The following RNF220 variants were observed in gnomAD, a reference collection of about 807,000 sequenced individuals.
RNF220 encodes the protein ring finger protein 220.
In RNF220, 7 loss-of-function variants were observed where a neutral mutation model predicts 67.1. That is an observed-to-expected ratio of 0.10 (90% CI 0.06 to 0.20). The LOEUF is 0.20. RNF220 is among the 10% of genes least tolerant of loss of function. The probability of loss-of-function intolerance (pLI) is 1.00; values close to 1 mark genes in which losing one functional copy is unlikely to be tolerated. For synonymous variants in RNF220, 270 were observed against 283.2 expected, an observed-to-expected ratio of 0.95 and a Z score of 0.47; for missense variants, 565 against 740.3, an observed-to-expected ratio of 0.76 and a Z score of 2.75.
chr1:44,469,812 A>G (rs1368159809), intron 2 of RNF220, among the ~76,000 whole-genome samples: 1 of 152,244 alleles, frequency 6.6e-6, no homozygotes, highest in East Asian at 1.9e-4. Flanking sequence ...GGCAGAGGCA[A>G]TCGCAGGTGC....
At chr1:44,435,478 G>A (rs1038555498) in intron 2 of RNF220, among the ~76,000 whole-genome samples, 3 of 152,242 alleles carry the variant, frequency 2.0e-5, no homozygotes, top group African/African-American at 7.2e-5. Flanking sequence ...CCTTGAGACT[G>A]TGGTCAGTGA....
rs912103504 is a variant in RNF220, at chr1:44,636,317, C to T, written c.1126+155C>T. 7.5e-5 allele frequency: 69 copies of T among 915,206 alleles called. No individual in the cohort carries two copies. In the East Asian group the frequency reaches 1.7e-3, roughly 23 times the overall value. The allele number at this position is 915,206 out of a possible 1,614,324, so 56.7% of individuals were successfully genotyped here. On this transcript the variant is annotated intron_variant, in intron 8 of 14. Coordinates refer to ENST00000361799, the MANE Select transcript of RNF220 (RefSeq NM_018150.4). ...CTGGTGGGGCTCCTTTGTGACCGTG[C>T]TGCCTGCCTGTGATGTGCATATTAA... is the stretch of plus-strand genomic sequence containing the variant.
Position 44,645,612 on chromosome 1 carries a change from C to A in RNF220, c.1445+124C>A. On this transcript the variant is annotated intron_variant, in intron 12 of 14. Coordinates refer to ENST00000361799, the MANE Select transcript of RNF220 (RefSeq NM_018150.4). The surrounding 1 kb of genome is among the most constrained non-coding windows in gnomAD (Gnocchi z 5.0). Reference sequence around the variant, plus strand: ...CCAAGTGCAGCTCAGTGCTGCTGCCCTGGGCACACGGCCGGCAGTGGAGCC... The same window carrying A: ...CCAAGTGCAGCTCAGTGCTGCTGCCATGGGCACACGGCCGGCAGTGGAGCC... The A allele has an allele frequency of 1.1e-6, 1 of 933,762 alleles. No individual in the cohort carries two copies. The highest frequency in any genetic ancestry group is 1.5e-5 in the South Asian group (1 of 66,250). The allele number at this position is 933,762 out of a possible 1,614,324, so 57.8% of individuals were successfully genotyped here. A position where few individuals can be genotyped will look rare whatever the true frequency, so the allele number is the denominator to read the frequency against.
At chr1:44,631,878 C>CA (rs1644137759) in intron 5 of RNF220, 1 of 984,504 alleles carries the variant, frequency 1.0e-6, no homozygotes, top group South Asian at 4.7e-5. Flanking sequence ...TACCCGAGTA[C>CA]AAACGGCAGC....
intron 2 of RNF220, among the ~76,000 whole-genome samples, chr1:44,501,684 T>C (rs1657895911): frequency 1.3e-5 from 2 of 152,188 alleles, no homozygotes; most frequent in South Asian, 4.1e-4. Flanking sequence ...CTCCCCTCCG[T>C]TTCTACTCCA....
intron 2 of RNF220, among the ~76,000 whole-genome samples, chr1:44,613,331 A>T (rs1233146095): frequency 7.1e-6 from 1 of 141,316 alleles, no homozygotes; most frequent in Non-Finnish European, 1.5e-5. Flanking sequence ...CACACCTGTA[A>T]GCAGAGGCCA....
rs566600581 is a variant in RNF220 at position 44,555,765 on chromosome 1, G to A, written c.626-58400G>A. 9.3e-5 allele frequency among the ~76,000 whole-genome samples: 14 copies of A among 150,448 alleles called. 2 individuals carry two copies. Among genetic ancestry groups the A allele is most frequent in the African/African-American group, 2.5e-4 (10 of 40,212 alleles). On this transcript the variant is annotated intron_variant, in intron 2 of 14. Transcript: ENST00000361799. ...GCTGAGATTACAGGCGTGAGCCACCGCGCCTGGCCTGAATGTACCAATTTA... is the reference window on the plus strand; with the variant it reads ...GCTGAGATTACAGGCGTGAGCCACCACGCCTGGCCTGAATGTACCAATTTA...
intron 2 of RNF220, among the ~76,000 whole-genome samples, chr1:44,517,539 G>A (rs866524692): frequency 6.6e-6 from 1 of 152,058 alleles, no homozygotes; most frequent in African/African-American, 2.4e-5. Flanking sequence ...TTGTCTTCAA[G>A]TGTGTTTGAC....
Position 44,650,675 on chromosome 1 carries a change from G to C in RNF220, c.1630-29G>C, listed in dbSNP as rs1359084834. ...ATGCGCACACATGGCTCATTGTGTA[G>C]ACCAGAGCCCTCCCTGTTCTCCCTG... On this transcript the variant is annotated intron_variant, in intron 14 of 14. Transcript: ENST00000361799. This position sits in a 1 kb window ranked among gnomAD's most constrained non-coding sequence, Gnocchi z 4.3. 1.9e-6 allele frequency: 3 copies of C among 1,611,348 alleles called. No homozygotes were observed. The highest frequency in any genetic ancestry group is 1.7e-5 in the Admixed American group (1 of 59,996).
chr1:44,603,868 G>T (rs1373235854), intron 2 of RNF220, among the ~76,000 whole-genome samples: 1 of 152,254 alleles, frequency 6.6e-6, no homozygotes, highest in Non-Finnish European at 1.5e-5. Flanking sequence ...AGCCCTGCAG[G>T]CACTTGTAAT....
chr1:44,450,234 T>C (rs1652532667), intron 2 of RNF220, among the ~76,000 whole-genome samples: 1 of 152,038 alleles, frequency 6.6e-6, no homozygotes, highest in Non-Finnish European at 1.5e-5. Flanking sequence ...CTGAAAGTGA[T>C]TTCCCGTCCT....
At chr1:44,562,502 G>T (rs116242357) in intron 2 of RNF220, among the ~76,000 whole-genome samples, 9 of 152,162 alleles carry the variant, frequency 5.9e-5, no homozygotes, top group Admixed American at 2.6e-4. Flanking sequence ...CCATAGGTAC[G>T]TCTCCCTGTC....
chr1:44,645,170 T>C lies in RNF220; in HGVS notation c.1311-51T>C, dbSNP rs747211421. 1 of 1,613,684 alleles carries C rather than the reference T, an allele frequency of 6.2e-7. No homozygotes were observed. The highest frequency in any genetic ancestry group is 2.2e-5 in the East Asian group (1 of 44,860). ...AACGCAGTACTGACCCTCAGGGCTG[T>C]CCTGCCCGCCTTCAGGCCTCACTTT... On this transcript the variant is annotated intron_variant, in intron 10 of 14. Transcript: ENST00000361799. The surrounding 1 kb of genome is among the most constrained non-coding windows in gnomAD (Gnocchi z 5.0).
chr1:44,447,939 G>C (rs1652268887), intron 2 of RNF220, among the ~76,000 whole-genome samples: 1 of 152,202 alleles, frequency 6.6e-6, no homozygotes, highest in South Asian at 2.1e-4. Flanking sequence ...GCGTCGCTTA[G>C]CTACGGGGAG....
intron 2 of RNF220, among the ~76,000 whole-genome samples, chr1:44,438,140 A>C (rs1572501989): frequency 6.6e-6 from 1 of 152,176 alleles, no homozygotes; most frequent in African/African-American, 2.4e-5. Context: ...TTTGTTTTTG[A>C]GACAGCATTT....
At chr1:44,597,478 AC>A (rs1666593423) in intron 2 of RNF220, among the ~76,000 whole-genome samples, 1 of 37,022 alleles carries the variant, frequency 2.7e-5, no homozygotes, top group African/African-American at 1.7e-4. Flanking sequence ...GCACACACAC[AC>A]ACACACACAC....
At chr1:44,547,983 A>G (rs1662306764) in intron 2 of RNF220, among the ~76,000 whole-genome samples, 1 of 151,494 alleles carries the variant, frequency 6.6e-6, no homozygotes, top group African/African-American at 2.4e-5. Flanking sequence ...GCACACATCA[A>G]CTCGCAACTT....
At chr1:44,550,810 C>T (rs1007456105) in intron 2 of RNF220, among the ~76,000 whole-genome samples, 4 of 152,116 alleles carry the variant, frequency 2.6e-5, no homozygotes, top group South Asian at 2.1e-4. Context: ...ATGCTCAGGG[C>T]GTTCTTGGGC....
At chr1:44,419,411 A>C (rs1019838277) in intron 2 of RNF220, 5 of 152,264 alleles carry the variant, frequency 3.3e-5, no homozygotes, top group African/African-American at 4.8e-5. Flanking sequence ...AGTATGAATC[A>C]GAACACCTGG....
Sources: gnomAD v4.1 joint callset for allele counts (sites outside exome capture counted in the v4.1 genomes callset) on GRCh38, gnomAD v4.1.1 for gene constraint, Gnocchi (gnomAD v3.1) non-coding constraint, MANE v1.5 for transcripts, NCBI Gene and HGNC (gene_info 2026-07-23, HGNC 2026-07-21) for gene names.